FAM151A: variants seen among roughly 807,000 people sequenced by gnomAD.
FAM151A encodes family with sequence similarity 151 member A, also known as protein FAM151A.
Under a neutral mutation model 40.4 loss-of-function variants are expected in FAM151A, and 41 were observed. That is an observed-to-expected ratio of 1.01 (90% CI 0.79 to 1.32). FAM151A has a LOEUF of 1.32. Ranked by LOEUF, FAM151A falls within the 40% of genes most tolerant of loss-of-function variation. The probability of loss-of-function intolerance (pLI) is 0.00; values close to 1 mark genes in which losing one functional copy is unlikely to be tolerated. For missense variants in FAM151A, 740 were observed against 740.4 expected (o/e 1.00, Z 0.01); for synonymous variants, 337 against 312.5 (o/e 1.08, Z -0.83).
intron 2 of FAM151A, among the ~76,000 whole-genome samples, chr1:54,618,027 C>T (rs1246781739): frequency 2.6e-5 from 4 of 151,678 alleles, no homozygotes; most frequent in South Asian, 2.1e-4. Context: ...AGGCCTGGCC[C>T]GAGATTCTGC....
At chr1:54,617,461 TAAA>T (rs35936174) in intron 2 of FAM151A, among the ~76,000 whole-genome samples, 169 of 133,978 alleles carry the variant, frequency 1.3e-3, no homozygotes, top group African/African-American at 4.2e-3. Flanking sequence ...CACTTTCTGT[TAAA>T]AAAAAAAAAA....
At chr1:54,621,831 AGGGGTGAGCAGCTGTT>A (rs1644232517) in intron 1 of FAM151A, 1 of 152,496 alleles carries the variant, frequency 6.6e-6, no homozygotes, top group Non-Finnish European at 1.5e-5. Context: ...GAGAGGCTGC[AGGGGTGAGCAGCTGTT>A]GGGGGGAAGA....
Sources: gnomAD v4.1 joint callset for allele counts (sites outside exome capture counted in the v4.1 genomes callset) on GRCh38, gnomAD v4.1.1 for gene constraint, MANE v1.5 for transcripts, NCBI Gene and HGNC (gene_info 2026-07-23, HGNC 2026-07-21) for gene names.